CWF19L2: variants seen among roughly 807,000 people sequenced by gnomAD.
CWF19L2 encodes the protein CWF19 like cell cycle control factor 2, also known as CWF19-like protein 2.
Under a neutral mutation model 111.7 loss-of-function variants are expected in CWF19L2, and 98 were observed. The observed-to-expected ratio is 0.88, with a 90% CI of 0.75 to 1.04. The LOEUF (loss-of-function observed/expected upper bound fraction) is 1.04, where lower values mean the gene tolerates loss of function less well. CWF19L2 is among the 50% of genes least tolerant of loss of function. The pLI is 0.00. For synonymous variants in CWF19L2, 351 were observed against 342.9 expected, an observed-to-expected ratio of 1.02 and a Z score of -0.26; for missense variants, 1,101 against 1,051.4, an observed-to-expected ratio of 1.05 and a Z score of -0.65.
intron 8 of CWF19L2, among the ~76,000 whole-genome samples, chr11:107,425,488 T>TA (rs1861363179): frequency 1.3e-5 from 2 of 151,928 alleles, no homozygotes; most frequent in African/African-American, 4.8e-5. Flanking sequence ...CAACAGGCTG[T>TA]ACCATATAGT....
intron 12 of CWF19L2, among the ~76,000 whole-genome samples, chr11:107,362,181 G>A (rs1040706673): frequency 4.6e-5 from 6 of 130,438 alleles, no homozygotes; most frequent in African/African-American, 9.4e-5. Flanking sequence ...CTACGCCCAC[G>A]GAGTCTCGCT....
chr11:107,419,309 TA>T (rs1861271317), intron 8 of CWF19L2, among the ~76,000 whole-genome samples: 1 of 152,138 alleles, frequency 6.6e-6, no homozygotes, highest in Non-Finnish European at 1.5e-5. Flanking sequence ...AAACAAAAGT[TA>T]AAAGGATCAA....
intron 12 of CWF19L2, among the ~76,000 whole-genome samples, chr11:107,389,654 C>T (rs1305879989): frequency 1.3e-5 from 2 of 152,122 alleles, no homozygotes; most frequent in African/African-American, 2.4e-5. Flanking sequence ...GATGCCTCTC[C>T]ATAATCCATA....
intron 10 of CWF19L2, among the ~76,000 whole-genome samples, chr11:107,414,396 T>C (rs1047282421): frequency 4.6e-5 from 7 of 152,178 alleles, no homozygotes; most frequent in African/African-American, 1.7e-4. Context: ...AATGCAGAAG[T>C]TGAACTCAGC....
intron 10 of CWF19L2, among the ~76,000 whole-genome samples, chr11:107,405,787 T>C (rs1032508039): frequency 5.4e-5 from 8 of 149,484 alleles, no homozygotes; most frequent in African/African-American, 2.0e-4. Flanking sequence ...GGGATATATT[T>C]TAACAAGATG....
chr11:107,361,698 G>C (rs1476507789), intron 12 of CWF19L2, among the ~76,000 whole-genome samples: 1 of 152,100 alleles, frequency 6.6e-6, no homozygotes, highest in African/African-American at 2.4e-5. Context: ...CACCTCCTTG[G>C]TTAAATATAT....
At chr11:107,386,647 C>T (rs1860770466) in intron 12 of CWF19L2, among the ~76,000 whole-genome samples, 1 of 152,206 alleles carries the variant, frequency 6.6e-6, no homozygotes, top group Non-Finnish European at 1.5e-5. Flanking sequence ...CCTTCTGCCT[C>T]ACTGGCTGCA....
intron 17 of CWF19L2, 49 bp downstream of exon 17, chr11:107,329,869 A>C (rs1565239999): frequency 1.4e-6 from 2 of 1,386,256 alleles, no homozygotes; most frequent in Admixed American, 5.1e-5. Flanking sequence ...CAAAAGAAAA[A>C]TGTTACCAAA....
At chr11:107,352,362 T>C (rs1044301287) in intron 13 of CWF19L2, among the ~76,000 whole-genome samples, 2 of 152,118 alleles carry the variant, frequency 1.3e-5, no homozygotes, top group African/African-American at 4.8e-5. Flanking sequence ...TGTAAGCAAC[T>C]TGAGGAGGTT....
Position 107,368,340 on chromosome 11 carries a change from G to A in CWF19L2, c.1873-14604C>T, listed in dbSNP as rs1215087001. Among the ~76,000 whole-genome samples the A allele has an allele frequency of 7.3e-5, 10 of 137,468 alleles. 3 individuals are homozygous for A. The highest frequency in any genetic ancestry group is 2.6e-4 in the African/African-American group (9 of 34,498). The allele number at this position is 137,468 out of a possible 152,430, so 90.2% of individuals were successfully genotyped here. On this transcript the variant is annotated intron_variant, in intron 12 of 17. Transcript: ENST00000282251. Reference sequence around the variant, plus strand: ...TTCTCACAAACTAGAAAACCTAGACGAAATGGATAAATTCCTGGAAACATA... The same window carrying A: ...TTCTCACAAACTAGAAAACCTAGACAAAATGGATAAATTCCTGGAAACATA...
chr11:107,408,793 C>T (rs769973885), intron 10 of CWF19L2, among the ~76,000 whole-genome samples: 31 of 151,944 alleles, frequency 2.0e-4, no homozygotes, highest in Admixed American at 5.2e-4. Flanking sequence ...TGCATACCTA[C>T]TCTGTGTCAA....
chr11:107,345,707 T>C (rs1860070856), intron 14 of CWF19L2, among the ~76,000 whole-genome samples: 1 of 152,170 alleles, frequency 6.6e-6, no homozygotes, highest in Non-Finnish European at 1.5e-5. Context: ...AATTTACAAA[T>C]ATGAGTTTAA....
At chr11:107,443,545 C>T (rs1861661716) in intron 3 of CWF19L2, among the ~76,000 whole-genome samples, 1 of 152,192 alleles carries the variant, frequency 6.6e-6, no homozygotes, top group South Asian at 2.1e-4. Context: ...CCACCAAACA[C>T]AACCAAATTA....
intron 14 of CWF19L2, among the ~76,000 whole-genome samples, chr11:107,345,753 T>C (rs1245368983): frequency 6.6e-6 from 1 of 152,194 alleles, no homozygotes; most frequent in Non-Finnish European, 1.5e-5. Context: ...TCAAGCATGA[T>C]GTTCTCCATA....
At chr11:107,430,391 G>A (rs1861448872) in intron 7 of CWF19L2, among the ~76,000 whole-genome samples, 2 of 152,050 alleles carry the variant, frequency 1.3e-5, no homozygotes, top group Non-Finnish European at 2.9e-5. Context: ...ACAAAATTAA[G>A]CTATAATTCT....
At chr11:107,420,127 C>T (rs956545943) in intron 8 of CWF19L2, among the ~76,000 whole-genome samples, 1 of 151,648 alleles carries the variant, frequency 6.6e-6, no homozygotes, top group Non-Finnish European at 1.5e-5. Context: ...GAAAAAAGAA[C>T]AGATGGGAAA....
intron 10 of CWF19L2, chr11:107,403,781 A>T: frequency 1.1e-6 from 1 of 886,938 alleles, no homozygotes; most frequent in East Asian, 2.4e-5. Flanking sequence ...CTCAGCTGCA[A>T]CTTTCTCCAT....
chr11:107,330,436 A>G (rs918160845), intron 16 of CWF19L2, among the ~76,000 whole-genome samples: 4 of 152,150 alleles, frequency 2.6e-5, no homozygotes, highest in South Asian at 2.1e-4. Flanking sequence ...CTCTCCTTGA[A>G]TCTTTACAGT....
intron 6 of CWF19L2, among the ~76,000 whole-genome samples, chr11:107,435,934 T>C (rs1448088128): frequency 6.6e-6 from 1 of 151,994 alleles, no homozygotes; most frequent in Admixed American, 6.6e-5. Context: ...GGTGGGCAGA[T>C]CAGGAGGTCA....
Sources: gnomAD v4.1 joint callset for allele counts (sites outside exome capture counted in the v4.1 genomes callset) on GRCh38, gnomAD v4.1.1 for gene constraint, MANE v1.5 for transcripts, NCBI Gene and HGNC (gene_info 2026-07-23, HGNC 2026-07-21) for gene names.